PHC2: variants seen among roughly 807,000 people sequenced by gnomAD.
PHC2 encodes polyhomeotic-like protein 2.
PHC2 carries 29 observed loss-of-function variants against 87.4 expected under a neutral mutation model. That is an observed-to-expected ratio of 0.33 (90% CI 0.25 to 0.45). The LOEUF is 0.45. Among genes scored for constraint, PHC2 ranks in the 20% least tolerant of loss-of-function variants. The pLI is 1.00. For synonymous variants in PHC2, 438 were observed against 461.7 expected (o/e 0.95, Z 0.66); for missense variants, 857 against 1,136.7 (o/e 0.75, Z 3.54).
chr1:33,359,171 T>C (rs771836323), intron 7 of PHC2: 3 of 151,148 alleles, frequency 2.0e-5, no homozygotes, highest in Non-Finnish European at 2.9e-5. Flanking sequence ...CCAAAATATC[T>C]TGAATTTAGT....
chr1:33,396,550 T>C (rs1234973542), intron 1 of PHC2, among the ~76,000 whole-genome samples: 1 of 152,250 alleles, frequency 6.6e-6, no homozygotes, highest in African/African-American at 2.4e-5. Context: ...CTAATTAGCA[T>C]ATAAATTAGC....
chr1:33,344,957 T>G (rs1646819613), intron 9 of PHC2, among the ~76,000 whole-genome samples: 1 of 152,200 alleles, frequency 6.6e-6, no homozygotes, highest in African/African-American at 2.4e-5. Context: ...TGTCATTTGC[T>G]TTGATTGTTC....
At chr1:33,345,819 T>C (rs1646834511) in intron 9 of PHC2, 2 of 985,114 alleles carry the variant, frequency 2.0e-6, no homozygotes, top group Non-Finnish European at 2.4e-6. Flanking sequence ...GAATTAAAGA[T>C]GGTTTGCCTC....
At chr1:33,420,403 G>C (rs1040301584) in intron 1 of PHC2, among the ~76,000 whole-genome samples, 1 of 152,050 alleles carries the variant, frequency 6.6e-6, no homozygotes, top group Admixed American at 6.6e-5. Flanking sequence ...GAATCAAGAA[G>C]ATAAAGAGAA....
At position 33,364,426 on chromosome 1, in the gene PHC2, G is replaced by A. The variant is rs894851374; in HGVS notation, c.976+2690C>T. 1.5e-4 allele frequency among the ~76,000 whole-genome samples: 19 copies of A among 123,868 alleles called. No individual in the cohort carries two copies. Among genetic ancestry groups the A allele is most frequent in the Admixed American group, 8.1e-4 (10 of 12,284 alleles). The allele number at this position is 123,868 out of a possible 152,430, so 81.3% of individuals were successfully genotyped here. ...CACACACACACACACACACACACACGCTCAAGCACGCTCTTCTCTCCTGCT... is the reference window on the plus strand; with the variant it reads ...CACACACACACACACACACACACACACTCAAGCACGCTCTTCTCTCCTGCT... On this transcript the variant is annotated intron_variant, in intron 7 of 14. Transcript: ENST00000683057. This position sits in a 1 kb window ranked among gnomAD's most constrained non-coding sequence, Gnocchi z 4.1.
chr1:33,368,575 G>T lies in PHC2; in HGVS notation c.624C>A (p.Leu208=). The part of the protein sequence containing the change: ...TATVATVQPE[L]GTGSPARPPT... ...GGGGCCGGGCGGGGGAGCCAGTGCC[G>T]AGCTCAGGCTGCACAGTAGCGACGG... The change falls in exon 6 of 15, where the codon CTC becomes CTA. Residue 208 remains leucine, a synonymous_variant. Coordinates refer to ENST00000683057, the MANE Select transcript of PHC2 (RefSeq NM_001385109.1). The surrounding 1 kb of genome is among the most constrained non-coding windows in gnomAD (Gnocchi z 6.6). 6.5e-7 allele frequency: 1 copy of T among 1,549,844 alleles called. No homozygotes were observed.
At chr1:33,346,193 G>T (rs1224860540) in intron 9 of PHC2, 33 of 962,066 alleles carry the variant, frequency 3.4e-5, no homozygotes, top group Non-Finnish European at 3.7e-5. Context: ...AACGCAGTCA[G>T]TTCTCACCCT....
At position 33,371,005 on chromosome 1, in the gene PHC2, C is replaced by T. The variant is rs772122375; in HGVS notation, c.411+12G>A. 2.5e-6 allele frequency: 4 copies of T among 1,611,488 alleles called. No homozygotes were observed. The South Asian group carries it at 3.3e-5, about 13-fold the overall frequency. ...GCTGTGGACTCTGCTGCTGCTCCCC[C>T]ATTCTACTCACCGAAGATGACTGGG... On this transcript the variant is annotated intron_variant, in intron 4 of 14. Coordinates refer to ENST00000683057, the MANE Select transcript of PHC2 (RefSeq NM_001385109.1).
rs1647609926 is a variant in PHC2 at position 33,368,389 on chromosome 1, A to G, written c.663+147T>C. On this transcript the variant is annotated intron_variant, in intron 6 of 14. Transcript: ENST00000683057. This position sits in a 1 kb window ranked among gnomAD's most constrained non-coding sequence, Gnocchi z 6.6. ...ACTGAGGCCTTCTGGAACAGGGTAG[A>G]CGCGCAGGCCTGGGGGCATTGGGGT... is the stretch of plus-strand genomic sequence containing the variant. 2 of 598,798 alleles carry G rather than the reference A, an allele frequency of 3.3e-6. No homozygotes were observed. The highest frequency in any genetic ancestry group is 5.9e-6 in the Non-Finnish European group (2 of 337,626). The allele number at this position is 598,798 out of a possible 1,614,324, so 37.1% of individuals were successfully genotyped here.
At chr1:33,341,537 A>C (rs767724145) in intron 9 of PHC2, among the ~76,000 whole-genome samples, 1 of 152,242 alleles carries the variant, frequency 6.6e-6, no homozygotes, top group African/African-American at 2.4e-5. Context: ...AGGACGCACA[A>C]GCTGGATTCA....
At chr1:33,374,267 C>G (rs1280072745) in intron 2 of PHC2, among the ~76,000 whole-genome samples, 2 of 152,062 alleles carry the variant, frequency 1.3e-5, no homozygotes, top group African/African-American at 4.8e-5. Context: ...TTGGGTGATT[C>G]CACTCGCCAG....
chr1:33,430,120 C>A (rs1650841598), intron 1 of PHC2, among the ~76,000 whole-genome samples: 1 of 151,942 alleles, frequency 6.6e-6, no homozygotes, highest in South Asian at 2.1e-4. Flanking sequence ...CTGTAGCAGA[C>A]CTGGGGAGGG....
rs949097229 is a variant in PHC2 at position 33,334,859 on chromosome 1, T to C, written c.1559-567A>G. Among the ~76,000 whole-genome samples the C allele has an allele frequency of 6.6e-6, 1 of 152,196 alleles. No homozygotes were observed. The highest frequency in any genetic ancestry group is 1.5e-5 in the Non-Finnish European group (1 of 68,030). On this transcript the variant is annotated intron_variant, in intron 9 of 14. Transcript: ENST00000683057. This position sits in a 1 kb window ranked among gnomAD's most constrained non-coding sequence, Gnocchi z 5.5. ...GCTGAACCCCAAGTAAAGGCTATCA[T>C]GTATATTTGACTATTCAGAGACTGG...
intron 9 of PHC2, among the ~76,000 whole-genome samples, chr1:33,340,874 C>T (rs1257237987): frequency 7.1e-6 from 1 of 140,972 alleles, no homozygotes; most frequent in Admixed American, 7.8e-5. Context: ...GTGAATTACT[C>T]GACTCAGATA....
In PHC2 at chr1:33,367,266, G is replaced by C; in HGVS notation, c.826C>G (p.Pro276Ala). 1 of 1,614,164 alleles carries C rather than the reference G, an allele frequency of 6.2e-7. No homozygotes were observed. The highest frequency in any genetic ancestry group is 1.3e-5 in the African/African-American group (1 of 75,042). The change falls in exon 7 of 15, where the codon CCT becomes GCT. Residue 276 changes from proline to alanine, a missense_variant. Physicochemically the swap from Pro to Ala is conservative, Grantham distance 27 (BLOSUM62 -1). Coordinates refer to ENST00000683057, the MANE Select transcript of PHC2 (RefSeq NM_001385109.1). ...AQSRNTAQAS[P>A]AGAKPGIADS... is the part of the protein sequence containing the mutation. ...GCTATGCCAGGCTTGGCACCTGCAG[G>C]GGAAGCCTGAGCAGTATTTCTGCTC...
At position 33,330,231 on chromosome 1, in the gene PHC2, A is replaced by G. The variant is rs751339005; in HGVS notation, c.2007-19T>C. On this transcript the variant is annotated intron_variant, in intron 12 of 14. Transcript: ENST00000683057. ...GTTGTACCTTCAGGGACAGGGGAAC[A>G]GGGGATGTCACAGTAGTCATTGTGC... 90 of 1,604,604 alleles carry G rather than the reference A, an allele frequency of 5.6e-5. 1 individual carries two copies. The highest frequency in any genetic ancestry group is 7.1e-5 in the Non-Finnish European group (84 of 1,176,114).
chr1:33,333,150 T>C (rs2148204335), intron 10 of PHC2: 1 of 152,360 alleles, frequency 6.6e-6, no homozygotes, highest in Admixed American at 6.5e-5. Flanking sequence ...GAGCCACTTC[T>C]AGCTAAGGTG....
intron 1 of PHC2, among the ~76,000 whole-genome samples, chr1:33,416,826 A>G (rs1650230551): frequency 2.0e-5 from 3 of 152,114 alleles, no homozygotes; most frequent in Admixed American, 2.0e-4. Flanking sequence ...AGAAATTGAT[A>G]AGAGAAACAC....
chr1:33,325,936 G>A (rs1288559825), intron 14 of PHC2: 3 of 456,240 alleles, frequency 6.6e-6, no homozygotes, highest in African/African-American at 6.0e-5. Flanking sequence ...AAGTCTCATG[G>A]CCTTTAGGGA....
Sources: gnomAD v4.1 joint callset for allele counts (sites outside exome capture counted in the v4.1 genomes callset) on GRCh38, gnomAD v4.1.1 for gene constraint, Gnocchi (gnomAD v3.1) non-coding constraint, MANE v1.5 for transcripts, NCBI Gene and HGNC (gene_info 2026-07-23, HGNC 2026-07-21) for gene names.